Variants in TRAF3IP2 observed in about 807,000 individuals in gnomAD.
TRAF3IP2 encodes E3 ubiquitin ligase TRAF3IP2.
A neutral mutation model predicts 57.9 loss-of-function variants in TRAF3IP2; 35 were observed. The observed-to-expected ratio is 0.60, with a 90% confidence interval of 0.46 to 0.80. The LOEUF is 0.80. Among genes scored for constraint, TRAF3IP2 ranks in the 30% least tolerant of loss-of-function variants. TRAF3IP2 has a pLI of 0.00. For missense variants in TRAF3IP2, 556 were observed against 706.4 expected (o/e 0.79, Z 2.41); for synonymous variants, 251 against 268.9 (o/e 0.93, Z 0.65).
At chr6:111,561,186 A>C (rs1245478777) in intron 8 of TRAF3IP2, among the ~76,000 whole-genome samples, 1 of 151,610 alleles carries the variant, frequency 6.6e-6, no homozygotes, top group Non-Finnish European at 1.5e-5. Context: ...TGTCTCAAAA[A>C]AAAAAAACAC....
chr6:111,560,069 T>C (rs555676004), intron 8 of TRAF3IP2, among the ~76,000 whole-genome samples: 41 of 152,318 alleles, frequency 2.7e-4, no homozygotes, highest in Middle Eastern at 3.4e-3. Flanking sequence ...GGAGTGGATG[T>C]TCTGGTGGGG....
intron 1 of TRAF3IP2, among the ~76,000 whole-genome samples, chr6:111,597,156 C>T (rs547873616): frequency 6.6e-6 from 1 of 152,118 alleles, no homozygotes; most frequent in Non-Finnish European, 1.5e-5. Flanking sequence ...GTGACCCTTC[C>T]CTCTTCTTTT....
rs538232855 is a variant in TRAF3IP2, at chr6:111,595,559, G to A, written c.-8-3465C>T. 9.2e-5 allele frequency among the ~76,000 whole-genome samples: 14 copies of A among 152,298 alleles called. No individual in the cohort carries two copies. The South Asian group carries it at 2.1e-3, about 23-fold the overall frequency. ...CCAAAGGGTATGCATGCCGGGCGCC[G>A]TGACTCACGCCTGTAATCCCAGCAC... is the stretch of plus-strand genomic sequence containing the variant. On this transcript the variant is annotated intron_variant, in intron 1 of 8. Coordinates refer to ENST00000368761, the MANE Select transcript of TRAF3IP2 (RefSeq NM_147686.4).
intron 1 of TRAF3IP2, among the ~76,000 whole-genome samples, chr6:111,605,104 C>T (rs985472754): frequency 1.3e-5 from 2 of 152,098 alleles, no homozygotes; most frequent in Non-Finnish European, 2.9e-5. Context: ...AAAAAAATCC[C>T]CCTATTCTAA....
At chr6:111,595,164 G>A (rs1032200169) in intron 1 of TRAF3IP2, among the ~76,000 whole-genome samples, 2 of 152,110 alleles carry the variant, frequency 1.3e-5, no homozygotes, top group African/African-American at 4.8e-5. Context: ...CCTGGGAGGC[G>A]GAGGTTGCAG....
chr6:111,576,684 G>A (rs1338486924), intron 3 of TRAF3IP2: 2 of 152,126 alleles, frequency 1.3e-5, no homozygotes, highest in Non-Finnish European at 2.9e-5. Context: ...AGCCTCTTTG[G>A]TGGCCCTGTT....
At position 111,559,468 on chromosome 6, in the gene TRAF3IP2, T is replaced by C. The variant is rs751648986; in HGVS notation, c.1635A>G (p.Arg545=). The C allele has an allele frequency of 1.2e-6, 2 of 1,614,082 alleles. No homozygotes were observed. The highest frequency in any genetic ancestry group is 1.7e-6 in the Non-Finnish European group (2 of 1,179,972). The change falls in exon 9 of 9, where the codon AGA becomes AGG. Residue 545 remains arginine (R), a synonymous_variant. Coordinates refer to ENST00000368761, the MANE Select transcript of TRAF3IP2 (RefSeq NM_147686.4). ...GTGGAGGAGCCACATACTCTTCCTC[T>C]CTCAGCAGCCGCAGCAGGATGTTTT... is the stretch of plus-strand genomic sequence containing the variant. The part of the protein sequence containing the change: ...NKKNILLRLL[R]EEEYVAPPRG...
At chr6:111,584,973 C>T (rs1796282634) in intron 2 of TRAF3IP2, among the ~76,000 whole-genome samples, 1 of 152,204 alleles carries the variant, frequency 6.6e-6, no homozygotes, top group African/African-American at 2.4e-5. Context: ...TCTCCTTGCT[C>T]ACTCTGCTAG....
chr6:111,566,456 G>A lies in TRAF3IP2; in HGVS notation c.1464C>T (p.Tyr488=). ...CCTCCCCACTCACCATTCGATGAAT[G>A]TACTTAGTATGTAAGCCATGCTCAT... is the stretch of plus-strand genomic sequence containing the variant. ...DEDEHGLHTK[Y]IHRMMQIEFI... is the part of the protein sequence containing the mutation. Residue 488 remains tyrosine, a synonymous_variant, in exon 7 of 9, where the codon TAC becomes TAT. Transcript: ENST00000368761. The A allele has an allele frequency of 4.3e-6, 7 of 1,613,642 alleles. No individual in the cohort carries two copies. Among genetic ancestry groups the A allele is most frequent in the East Asian group, 4.5e-5 (2 of 44,876 alleles).
chr6:111,578,678 A>C (rs913260791), intron 3 of TRAF3IP2, among the ~76,000 whole-genome samples: 2 of 152,206 alleles, frequency 1.3e-5, no homozygotes, highest in Non-Finnish European at 2.9e-5. Flanking sequence ...CTGTCTTGAA[A>C]GAAAATATGA....
At chr6:111,589,703 T>C (rs534771779) in intron 2 of TRAF3IP2, among the ~76,000 whole-genome samples, 1 of 152,268 alleles carries the variant, frequency 6.6e-6, no homozygotes, top group South Asian at 2.1e-4. Context: ...GCCCCTGCCC[T>C]CATTCCTGAT....
At chr6:111,585,129 G>A (rs908897147) in intron 2 of TRAF3IP2, among the ~76,000 whole-genome samples, 1 of 152,182 alleles carries the variant, frequency 6.6e-6, no homozygotes, top group Non-Finnish European at 1.5e-5. Context: ...ATTAATGTCT[G>A]TTCCAACAAC....
rs1351780705 is a variant in TRAF3IP2 at position 111,591,306 on chromosome 6, A to G, written c.781T>C (p.Trp261Arg). ...CCAGGACAATGGTAATGATAGTTCC[A>G]TGGAGCATGTGGGGAAAGATTGGGA... is the stretch of plus-strand genomic sequence containing the variant. ...LPPNLSPHAP[W>R]NYHYHCPGSP... Residue 261 changes from tryptophan to arginine, a missense_variant, in exon 2 of 9, where the codon TGG (tryptophan) becomes CGG (arginine). Physicochemically the swap from Trp to Arg is moderately radical, Grantham distance 101. This residue lies in a region of TRAF3IP2 where 428 missense variants were observed against 498.7 expected (regional missense o/e 0.86). Transcript: ENST00000368761. The surrounding 1 kb of genome is among the most constrained non-coding windows in gnomAD (Gnocchi z 4.9). 1 of 1,514,570 alleles carries G rather than the reference A, an allele frequency of 6.6e-7. No individual in the cohort carries two copies. Among genetic ancestry groups the G allele is most frequent in the East Asian group, 2.3e-5 (1 of 44,036 alleles). 93.8% of individuals were successfully genotyped at this position (1,514,570 alleles called of 1,614,324 possible). A position where few individuals can be genotyped will look rare whatever the true frequency, so the allele number is the denominator to read the frequency against.
Position 111,567,136 on chromosome 6 carries a change from C to T in TRAF3IP2, c.1359+488G>A, listed in dbSNP as rs1037442200. ...CACGCTGGCAGCAATCAATTTCGAT[C>T]TTGTTAAAGCACAACGTGTCCCAGT... On this transcript the variant is annotated intron_variant, in intron 6 of 8. Coordinates refer to ENST00000368761, the MANE Select transcript of TRAF3IP2 (RefSeq NM_147686.4). 1.7e-5 allele frequency: 17 copies of T among 988,850 alleles called. No homozygotes were observed. The Admixed American group carries it at 5.9e-4, about 34-fold the overall frequency. 61.3% of individuals were successfully genotyped at this position (988,850 alleles called of 1,614,324 possible). A position where few individuals can be genotyped will look rare whatever the true frequency, so the allele number is the denominator to read the frequency against.
chr6:111,570,238 A>T (rs1795787641), intron 5 of TRAF3IP2, among the ~76,000 whole-genome samples: 1 of 152,182 alleles, frequency 6.6e-6, no homozygotes, highest in Admixed American at 6.5e-5. Flanking sequence ...GTGAGAAAAT[A>T]AATTTCTACG....
rs1319613663 is a variant in TRAF3IP2 at position 111,603,083 on chromosome 6, T to C, written c.-9+2693A>G. ...GGAAGGTCTGTGCACACACAAGGTG[T>C]GCACACACACACACACACACACACA... On this transcript the variant is annotated intron_variant, in intron 1 of 8. Coordinates refer to ENST00000368761, the MANE Select transcript of TRAF3IP2 (RefSeq NM_147686.4). Among the ~76,000 whole-genome samples the C allele has an allele frequency of 5.8e-5, 6 of 103,830 alleles. No individual in the cohort carries two copies. In the East Asian group the frequency reaches 8.8e-4, roughly 15 times the overall value. The allele number at this position is 103,830 out of a possible 152,430, so 68.1% of individuals were successfully genotyped here.
At chr6:111,604,117 C>T (rs1363923064) in intron 1 of TRAF3IP2, among the ~76,000 whole-genome samples, 2 of 152,200 alleles carry the variant, frequency 1.3e-5, no homozygotes, top group African/African-American at 4.8e-5. Context: ...ACGGACTACA[C>T]CAGGACATCC....
intron 6 of TRAF3IP2, chr6:111,566,965 G>A (rs993851355): frequency 1.5e-4 from 48 of 324,000 alleles, no homozygotes; most frequent in African/African-American, 8.1e-4. Flanking sequence ...TGTCTTCTGC[G>A]TGTACACATT....
intron 1 of TRAF3IP2, chr6:111,597,899 G>A: frequency 2.2e-6 from 1 of 456,018 alleles, no homozygotes; most frequent in Non-Finnish European, 4.4e-6. Flanking sequence ...CTCTACCAGA[G>A]GGCGGTGCCT....
Sources: allele counts gnomAD v4.1 joint callset (sites outside exome capture counted in the v4.1 genomes callset), GRCh38; gene constraint gnomAD v4.1.1; regional missense constraint gnomAD v4.1.1; non-coding constraint Gnocchi (gnomAD v3.1); transcripts MANE v1.5; gene names NCBI Gene and HGNC (gene_info 2026-07-23, HGNC 2026-07-21).